Variants in TMEM74 observed in about 807,000 individuals in gnomAD.
TMEM74 encodes transmembrane protein 74.
A neutral mutation model predicts 18.1 loss-of-function variants in TMEM74; 13 were observed. That is an observed-to-expected ratio of 0.72 (90% CI 0.47 to 1.14). The LOEUF (loss-of-function observed/expected upper bound fraction) is 1.14, where lower values mean the gene tolerates loss of function less well. Among genes scored for constraint, TMEM74 ranks in the 50% most tolerant of loss-of-function variants. TMEM74 has a pLI of 0.00. For synonymous variants in TMEM74, 159 were observed against 146.6 expected, an observed-to-expected ratio of 1.08 and a Z score of -0.61; for missense variants, 372 against 375.9, an observed-to-expected ratio of 0.99 and a Z score of 0.09.
intron 1 of TMEM74, among the ~76,000 whole-genome samples, chr8:108,684,362 G>A (rs1179264471): frequency 6.6e-6 from 1 of 151,944 alleles, no homozygotes; most frequent in African/African-American, 2.4e-5. Context: ...TAGTGATCTT[G>A]AACATTTTTT....
chr8:108,785,107 G>A lies in TMEM74; in HGVS notation c.-9C>T, dbSNP rs778486260. On this transcript the variant is annotated 5_prime_UTR_variant, in exon 2 of 2. Transcript: ENST00000297459. ...AGGTAGTGGAGCTCCATGAGAGCTA[G>A]TCAGACATCCCCCAGCAGCTTCCGG... The A allele has an allele frequency of 6.4e-7, 1 of 1,573,876 alleles. No individual in the cohort carries two copies. The highest frequency in any genetic ancestry group is 1.4e-5 in the African/African-American group (1 of 73,264).
intron 1 of TMEM74, among the ~76,000 whole-genome samples, chr8:108,720,728 C>CTATTTATTTATT (rs3049754): frequency 6.1e-4 from 91 of 149,456 alleles, no homozygotes; most frequent in Non-Finnish European, 1.1e-3. Flanking sequence ...TAAGATATAA[C>CTATTTATTTATT]TATTTATTTA....
At chr8:108,714,055 T>C (rs1275644340) in intron 1 of TMEM74, among the ~76,000 whole-genome samples, 8 of 152,312 alleles carry the variant, frequency 5.3e-5, no homozygotes, top group African/African-American at 1.9e-4. Context: ...CCCCAGCAGA[T>C]TAACGACACC....
At chr8:108,637,721 C>T (rs569156157) in intron 2 of TMEM74, among the ~76,000 whole-genome samples, 18 of 152,206 alleles carry the variant, frequency 1.2e-4, no homozygotes, top group African/African-American at 4.1e-4. Flanking sequence ...CTACTGACAC[C>T]TTTACTTTAG....
intron 1 of TMEM74, among the ~76,000 whole-genome samples, chr8:108,690,999 T>C (rs2130607283): frequency 6.6e-6 from 1 of 152,228 alleles, no homozygotes; most frequent in East Asian, 1.9e-4. Context: ...CCAAGACACT[T>C]CTATGCCAAG....
chr8:108,784,949 T>TG lies in TMEM74; in HGVS notation c.149dup (p.Arg51LysfsTer9). On this transcript the variant is annotated frameshift_variant, in exon 2 of 2. Transcript: ENST00000297459. LOFTEE classifies it high-confidence loss of function. ...TAGACCCTTCCATCTCGGTTGCTCT[T>TG]GGGGTGGATGCACACTGTTTCTGAC... The TG allele has an allele frequency of 6.2e-7, 1 of 1,614,108 alleles. No homozygotes were observed. The highest frequency in any genetic ancestry group is 8.5e-7 in the Non-Finnish European group (1 of 1,180,020).
downstream of TMEM74, among the ~76,000 whole-genome samples, chr8:108,777,500 T>C (rs1386057252): frequency 1.3e-5 from 2 of 152,230 alleles, no homozygotes; most frequent in East Asian, 3.8e-4. Context: ...TAAATCACTA[T>C]ATTACCTAAA....
chr8:108,737,350 G>A (rs1813758670), intron 1 of TMEM74, among the ~76,000 whole-genome samples: 13 of 152,000 alleles, frequency 8.6e-5, no homozygotes, highest in Admixed American at 8.5e-4. Flanking sequence ...CTTCTTCATT[G>A]GATTAACATG....
At chr8:108,637,974 T>C (rs1244286376) in intron 2 of TMEM74, among the ~76,000 whole-genome samples, 2 of 152,178 alleles carry the variant, frequency 1.3e-5, no homozygotes, top group African/African-American at 4.8e-5. Flanking sequence ...TCCTAACAGA[T>C]AGGCTGATTG....
At chr8:108,643,444 T>C (rs544334239) in intron 2 of TMEM74, among the ~76,000 whole-genome samples, 1 of 152,214 alleles carries the variant, frequency 6.6e-6, no homozygotes, top group Admixed American at 6.5e-5. Context: ...CTAATTTGTA[T>C]AGATATATTT....
chr8:108,617,611 T>C (rs2130539632), intron 2 of TMEM74, among the ~76,000 whole-genome samples: 1 of 152,020 alleles, frequency 6.6e-6, no homozygotes, highest in East Asian at 1.9e-4. Context: ...AGCTGAGGGG[T>C]ATTATAATTT....
chr8:108,783,871 A>C lies in TMEM74; in HGVS notation c.*310T>G, dbSNP rs1814340301. The C allele has an allele frequency of 4.8e-6, 1 of 207,396 alleles. No homozygotes were observed. The highest frequency in any genetic ancestry group is 9.6e-6 in the Non-Finnish European group (1 of 104,644). 12.8% of individuals were successfully genotyped at this position (207,396 alleles called of 1,614,324 possible). ...AAGAATAACATCATATATTTGTGTA[A>C]AAGAAATAATTTGTAGACTGGGTCA... is the stretch of plus-strand genomic sequence containing the variant. On this transcript the variant is annotated 3_prime_UTR_variant, in exon 2 of 2. Coordinates refer to ENST00000297459, the MANE Select transcript of TMEM74 (RefSeq NM_153015.3).
At chr8:108,754,536 C>T (rs950937504) in intron 1 of TMEM74, among the ~76,000 whole-genome samples, 1 of 151,770 alleles carries the variant, frequency 6.6e-6, no homozygotes, top group African/African-American at 2.4e-5. Context: ...ATGTAGGATT[C>T]TGCCTTGCTA....
intron 1 of TMEM74, among the ~76,000 whole-genome samples, chr8:108,710,279 T>C (rs187493022): frequency 7.2e-5 from 11 of 152,366 alleles, no homozygotes; most frequent in Admixed American, 2.0e-4. Context: ...ACTAGAGAAC[T>C]ATAGGGACCA....
intron 1 of TMEM74, among the ~76,000 whole-genome samples, chr8:108,756,698 A>AAGAAAGAAAGAAAGAAAGAG: frequency 8.9e-6 from 1 of 111,998 alleles, no homozygotes; most frequent in East Asian, 2.7e-4. Context: ...GAAAGAAAGA[A>AAGAAAGAAAGAAAGAAAGAG]GGAAGGAAAG....
chr8:108,740,530 C>T (rs1813790247), intron 1 of TMEM74, among the ~76,000 whole-genome samples: 1 of 152,202 alleles, frequency 6.6e-6, no homozygotes, highest in Admixed American at 6.5e-5. Context: ...ACAGATACTA[C>T]ATTTTTCACA....
At chr8:108,609,385 C>T (rs998252053) in intron 2 of TMEM74, among the ~76,000 whole-genome samples, 7 of 152,200 alleles carry the variant, frequency 4.6e-5, no homozygotes, top group African/African-American at 1.7e-4. Flanking sequence ...TGGTGGCTCA[C>T]ACCTGTAATC....
In TMEM74 at chr8:108,780,419, T is replaced by C. The variant is rs1237800213; in HGVS notation, c.*3762A>G. Among the ~76,000 whole-genome samples, 1 of 152,038 alleles carries C rather than the reference T, an allele frequency of 6.6e-6. No homozygotes were observed. Among genetic ancestry groups the C allele is most frequent in the Admixed American group, 6.6e-5 (1 of 15,264 alleles). ...CTTGTCAGAAGGTGGTAAAAAAAAA[T>C]AGAGCCATTGGGTTCAGGCTTTTAA... is the stretch of plus-strand genomic sequence containing the variant. On this transcript the variant is annotated 3_prime_UTR_variant, in exon 2 of 2. Coordinates refer to ENST00000297459, the MANE Select transcript of TMEM74 (RefSeq NM_153015.3).
downstream of TMEM74, among the ~76,000 whole-genome samples, chr8:108,774,662 C>A (rs1376508916): frequency 6.6e-6 from 1 of 152,164 alleles, no homozygotes; most frequent in Non-Finnish European, 1.5e-5. Flanking sequence ...GAAATGCAAC[C>A]CTTGTTTAGG....
Sources: allele counts gnomAD v4.1 joint callset (sites outside exome capture counted in the v4.1 genomes callset), GRCh38; gene constraint gnomAD v4.1.1; transcripts MANE v1.5; gene names NCBI Gene and HGNC (gene_info 2026-07-23, HGNC 2026-07-21).